TMEM117: variants seen among roughly 807,000 people sequenced by gnomAD.
TMEM117 encodes the protein transmembrane protein 117.
In TMEM117, 27 loss-of-function variants were observed where a neutral mutation model predicts 52.4. The ratio of observed to expected loss-of-function variants is 0.51; its 90% CI spans 0.38 to 0.71. The LOEUF is 0.71. TMEM117 is among the 30% of genes least tolerant of loss of function. The pLI, the probability that TMEM117 is intolerant of heterozygous loss-of-function variation, is 0.00. For synonymous variants in TMEM117, 215 were observed against 206.3 expected, an observed-to-expected ratio of 1.04 and a Z score of -0.36; for missense variants, 556 against 630.5, an observed-to-expected ratio of 0.88 and a Z score of 1.26.
At chr12:44,136,474 A>G (rs879635142) in intron 3 of TMEM117, among the ~76,000 whole-genome samples, 6 of 152,118 alleles carry the variant, frequency 3.9e-5, no homozygotes, top group Admixed American at 1.3e-4. Flanking sequence ...TTGTTTTTTA[A>G]CCTTATAGAC....
the TMEM117 span, chr12:43,806,062 G>A: frequency 2.6e-6 from 4 of 1,518,712 alleles, no homozygotes; most frequent in East Asian, 2.5e-5. Flanking sequence ...CAGCGCCCGG[G>A]AAGCAGGAGC....
At chr12:43,803,015 T>G in the TMEM117 span, among the ~76,000 whole-genome samples, 1 of 152,300 alleles carries the variant, frequency 6.6e-6, no homozygotes, top group East Asian at 1.9e-4. Flanking sequence ...TAATCTACTA[T>G]GCATACAGAA....
chr12:43,933,466 G>A (rs1944904265), intron 2 of TMEM117, among the ~76,000 whole-genome samples: 1 of 152,066 alleles, frequency 6.6e-6, no homozygotes, highest in Non-Finnish European at 1.5e-5. Flanking sequence ...CTTCCAAAGT[G>A]CTGGGATTAC....
chr12:44,106,548 A>G (rs984133674), intron 3 of TMEM117, among the ~76,000 whole-genome samples: 2 of 152,048 alleles, frequency 1.3e-5, no homozygotes, highest in Non-Finnish European at 2.9e-5. Flanking sequence ...GGAGAAATAA[A>G]TTTTTGAGAT....
intron 2 of TMEM117, among the ~76,000 whole-genome samples, chr12:43,935,764 G>A (rs755064306): frequency 6.6e-6 from 1 of 152,160 alleles, no homozygotes; most frequent in Admixed American, 6.5e-5. Context: ...CATCCCATAA[G>A]CTCTTTCTAT....
chr12:44,391,012 T>C (rs1952158947), downstream of TMEM117, among the ~76,000 whole-genome samples: 1 of 151,728 alleles, frequency 6.6e-6, no homozygotes, highest in South Asian at 2.1e-4. Flanking sequence ...AAATTGAGGT[T>C]AAAAAAAAGG....
intron 6 of TMEM117, among the ~76,000 whole-genome samples, chr12:44,304,543 T>C (rs1453079622): frequency 6.6e-6 from 1 of 152,072 alleles, no homozygotes; most frequent in Middle Eastern, 3.2e-3. Context: ...GTAGTGCAGC[T>C]CACAGCTCCA....
chr12:44,306,573 G>A (rs1950906280), intron 6 of TMEM117, among the ~76,000 whole-genome samples: 1 of 152,142 alleles, frequency 6.6e-6, no homozygotes, highest in Non-Finnish European at 1.5e-5. Flanking sequence ...CTAAGTACCT[G>A]CTTGTCACCT....
chr12:43,908,608 C>T lies in TMEM117; in HGVS notation c.278-35602C>T, dbSNP rs575090250. On this transcript the variant is annotated intron_variant, in intron 2 of 7. Transcript: ENST00000266534. ...TGCTGTATTCAGGAAACCCATCTCA[C>T]GGGCAGAGACACACATAGGCTCAAA... Among the ~76,000 whole-genome samples the T allele has an allele frequency of 4.1e-3, 622 of 151,742 alleles. 5 individuals carry two copies. The highest frequency in any genetic ancestry group is 0.015 in the African/African-American group (603 of 41,448).
chr12:44,075,080 A>G (rs1368149227), intron 3 of TMEM117, among the ~76,000 whole-genome samples: 1 of 152,148 alleles, frequency 6.6e-6, no homozygotes, highest in Non-Finnish European at 1.5e-5. Context: ...GTAAGTGCTG[A>G]TTTTTTTAGA....
At chr12:44,202,266 A>G (rs1949505766) in intron 4 of TMEM117, among the ~76,000 whole-genome samples, 1 of 152,148 alleles carries the variant, frequency 6.6e-6, no homozygotes, top group African/African-American at 2.4e-5. Flanking sequence ...AACAAAATAG[A>G]AACCTTTCAT....
At chr12:44,102,560 T>C (rs900853694) in intron 3 of TMEM117, among the ~76,000 whole-genome samples, 1 of 152,012 alleles carries the variant, frequency 6.6e-6, no homozygotes, top group Non-Finnish European at 1.5e-5. Flanking sequence ...ATTTGTTCTC[T>C]TACCTTTCTC....
rs115152960 is a variant in TMEM117, at chr12:44,232,499, T to C, written c.608+21112T>C. ...TCTCTTAATTACTGCACATTTATTA[T>C]TGATATATGTTGAAGTAGTTCCTGC... On this transcript the variant is annotated intron_variant, in intron 5 of 7. Transcript: ENST00000266534. Among the ~76,000 whole-genome samples the C allele has an allele frequency of 2.7e-3, 406 of 151,654 alleles. 4 individuals carry two copies. The highest frequency in any genetic ancestry group is 9.1e-3 in the African/African-American group (379 of 41,514).
chr12:44,039,766 A>G (rs1946768233), intron 3 of TMEM117, among the ~76,000 whole-genome samples: 1 of 152,028 alleles, frequency 6.6e-6, no homozygotes, highest in African/African-American at 2.4e-5. Context: ...AGACTATTTA[A>G]AAAGAAACGC....
chr12:44,386,201 A>T (rs1230747363), intron 7 of TMEM117, among the ~76,000 whole-genome samples: 2 of 152,126 alleles, frequency 1.3e-5, no homozygotes, highest in African/African-American at 4.8e-5. Flanking sequence ...TAACAAGATG[A>T]TGAAATCCTT....
chr12:44,265,480 G>GCTATGT (rs1266349651), intron 5 of TMEM117, among the ~76,000 whole-genome samples: 4 of 152,158 alleles, frequency 2.6e-5, no homozygotes, highest in African/African-American at 4.8e-5. Context: ...CAGTTAGAAG[G>GCTATGT]CTATGTCAGT....
intron 4 of TMEM117, among the ~76,000 whole-genome samples, chr12:44,172,638 A>G (rs191466513): frequency 6.6e-6 from 1 of 152,176 alleles, no homozygotes; most frequent in Non-Finnish European, 1.5e-5. Flanking sequence ...CTTTTCAGGA[A>G]CACAGTTAAA....
chr12:44,072,061 G>C (rs1436684980), intron 3 of TMEM117, among the ~76,000 whole-genome samples: 1 of 152,162 alleles, frequency 6.6e-6, no homozygotes, highest in Admixed American at 6.5e-5. Flanking sequence ...TTCACATCCA[G>C]GAGTTGGTAG....
intron 5 of TMEM117, among the ~76,000 whole-genome samples, chr12:44,296,522 G>A (rs1463632435): frequency 6.6e-6 from 1 of 152,146 alleles, no homozygotes; most frequent in East Asian, 1.9e-4. Flanking sequence ...CCTATTTCTG[G>A]GAGCATGGAT....
Sources: gnomAD v4.1 joint callset for allele counts (sites outside exome capture counted in the v4.1 genomes callset) on GRCh38, gnomAD v4.1.1 for gene constraint, MANE v1.5 for transcripts, NCBI Gene and HGNC (gene_info 2026-07-23, HGNC 2026-07-21) for gene names.